ABCB5: variants seen among roughly 807,000 people sequenced by gnomAD.
The protein encoded by ABCB5 is ATP binding cassette subfamily B member 5.
Under a neutral mutation model 144.2 loss-of-function variants are expected in ABCB5, and 155 were observed. The observed-to-expected ratio is 1.08, with a 90% CI of 0.94 to 1.23. The LOEUF is 1.23. Among genes scored for constraint, ABCB5 ranks in the 50% most tolerant of loss-of-function variants. ABCB5 has a pLI of 0.00. For missense variants in ABCB5, 1,830 were observed against 1,520.8 expected (o/e 1.20, Z -3.38); for synonymous variants, 610 against 528.6 (o/e 1.15, Z -2.11).
chr7:20,623,243 A>C, intron 1 of ABCB5, 22 bp from the exon 2 acceptor site: 1 of 1,349,796 alleles, frequency 7.4e-7, no homozygotes, highest in Non-Finnish European at 1.0e-6. Context: ...GCCATAATAC[A>C]TTTGTTAAAA....
At chr7:20,728,570 A>G (rs763865663) in intron 23 of ABCB5, 115 bp downstream of exon 23, 7 of 1,206,358 alleles carry the variant, frequency 5.8e-6, no homozygotes, top group Middle Eastern at 2.6e-4. Context: ...CCTGACCAAC[A>G]TAATAAAACC....
intron 18 of ABCB5, 27 bp from the exon 19 acceptor site, chr7:20,700,031 G>T (rs758821553): frequency 6.2e-7 from 1 of 1,609,252 alleles, no homozygotes; most frequent in South Asian, 1.1e-5. Flanking sequence ...GGAAAAGAAC[G>T]TAGATTTTTG....
intron 16 of ABCB5, among the ~76,000 whole-genome samples, chr7:20,697,076 A>G (rs1228959022): frequency 6.6e-6 from 1 of 152,074 alleles, no homozygotes; most frequent in Non-Finnish European, 1.5e-5. Context: ...CAACTTTTTA[A>G]ATTTTTGTAC....
intron 20 of ABCB5, among the ~76,000 whole-genome samples, chr7:20,707,372 T>C (rs1003969732): frequency 2.6e-5 from 4 of 152,240 alleles, no homozygotes; most frequent in African/African-American, 9.6e-5. Flanking sequence ...GATAGTTGTC[T>C]GAATACAACC....
chr7:20,617,743 A>T (rs1368953445), intron 1 of ABCB5, among the ~76,000 whole-genome samples: 2 of 152,220 alleles, frequency 1.3e-5, no homozygotes, highest in Non-Finnish European at 2.9e-5. Flanking sequence ...ATCTAAAGGC[A>T]AATAGGTTAA....
rs1347085949 is a variant in ABCB5 at position 20,647,597 on chromosome 7, C to T, written c.1044C>T (p.Thr348=). Residue 348 remains threonine, a synonymous_variant, in exon 10 of 28, where the codon ACC becomes ACT. Coordinates refer to ENST00000404938, the MANE Select transcript of ABCB5 (RefSeq NM_001163941.2). ...GAGCAGCAGTCCCTCACTTTGAAAC[C>T]TTCGCAATAGCCCGAGGAGCTGCCT... is the stretch of plus-strand genomic sequence containing the variant. ...CIGAAVPHFE[T]FAIARGAAFH... 2.5e-6 allele frequency: 4 copies of T among 1,589,498 alleles called. No homozygotes were observed. The highest frequency in any genetic ancestry group is 3.4e-6 in the Non-Finnish European group (4 of 1,166,540).
In ABCB5 at chr7:20,699,914, C is replaced by T; in HGVS notation, c.2244C>T (p.Val748=). 1.2e-6 allele frequency: 2 copies of T among 1,611,944 alleles called. No homozygotes were observed. Among genetic ancestry groups the T allele is most frequent in the Non-Finnish European group, 1.7e-6 (2 of 1,178,786 alleles). The part of the protein sequence containing the change: ...IFVILGVICF[V]SYFMQGLFYG... The stretch of plus-strand genomic sequence containing the variant: ...TCATTTTGGGTGTTATTTGCTTTGT[C>T]AGTTATTTCATGCAGGTAAGCTTTT... The change falls in exon 18 of 28, where the codon GTC becomes GTT. Residue 748 remains valine (V), a synonymous_variant. Coordinates refer to ENST00000404938, the MANE Select transcript of ABCB5 (RefSeq NM_001163941.2).
chr7:20,622,830 A>G lies in ABCB5; in HGVS notation c.-21-435A>G, dbSNP rs1783827599. ...ACTTTGTTTGTTTCGTAAACTAGAA[A>G]ACCCTATTCCCTCAAACTGCTGGCT... On this transcript the variant is annotated intron_variant, in intron 1 of 27. Coordinates refer to ENST00000404938, the MANE Select transcript of ABCB5 (RefSeq NM_001163941.2). Among the ~76,000 whole-genome samples the G allele has an allele frequency of 4.6e-5, 7 of 152,236 alleles. No individual in the cohort carries two copies. The South Asian group carries it at 1.5e-3, about 32-fold the overall frequency.
At chr7:20,669,043 C>T (rs1785354171) in intron 14 of ABCB5, among the ~76,000 whole-genome samples, 1 of 139,556 alleles carries the variant, frequency 7.2e-6, no homozygotes, top group Non-Finnish European at 1.5e-5. Flanking sequence ...GCCCGGCCGC[C>T]CCTACTGGGA....
At chr7:20,618,777 T>TC (rs1161552000) in intron 1 of ABCB5, among the ~76,000 whole-genome samples, 1 of 131,726 alleles carries the variant, frequency 7.6e-6, no homozygotes, top group Non-Finnish European at 1.6e-5. Context: ...TTTTTTTTTT[T>TC]TTTTTTTTTT....
intron 23 of ABCB5, among the ~76,000 whole-genome samples, chr7:20,732,203 T>C (rs761868008): frequency 9.9e-5 from 15 of 152,166 alleles, no homozygotes; most frequent in Non-Finnish European, 1.8e-4. Context: ...CTGCCTGGAA[T>C]GGTCATTCCC....
intron 19 of ABCB5, among the ~76,000 whole-genome samples, chr7:20,701,178 A>G (rs901825110): frequency 6.6e-6 from 1 of 152,244 alleles, no homozygotes; most frequent in Admixed American, 6.5e-5. Context: ...TTGTAGGATC[A>G]TAAATCAATT....
Position 20,685,760 on chromosome 7 carries a change from C to G in ABCB5, c.1934C>G (p.Ser645Ter), listed in dbSNP as rs1212266762. 6.2e-7 allele frequency: 1 copy of G among 1,613,526 alleles called. No homozygotes were observed. The highest frequency in any genetic ancestry group is 8.5e-7 in the Non-Finnish European group (1 of 1,179,598). Residue 645 changes from serine (S) to a stop codon, truncating the protein, a stop_gained, in exon 16 of 28, where the codon TCA becomes TGA. Transcript: ENST00000404938. LOFTEE classifies it high-confidence loss of function. ...TATTCTACTGAAAGAAAGACCAACT[C>G]ACTTCCTCTGCACTCTGTGAAGAGC... ...MTYSTERKTN[S>*]LPLHSVKSIK...
At chr7:20,629,631 A>C (rs1251876332) in intron 4 of ABCB5, among the ~76,000 whole-genome samples, 1 of 152,070 alleles carries the variant, frequency 6.6e-6, no homozygotes, top group Non-Finnish European at 1.5e-5. Context: ...CCATGGTAGC[A>C]GGTGCCTGTA....
chr7:20,656,912 CTTTTTTTT>C (rs749816471), intron 13 of ABCB5, among the ~76,000 whole-genome samples: 838 of 58,596 alleles, frequency 0.014, 7 homozygotes, highest in African/African-American at 0.073. Flanking sequence ...TTTCCTTTTT[CTTTTTTTT>C]TTTTTTTTTT....
intron 16 of ABCB5, among the ~76,000 whole-genome samples, chr7:20,696,708 G>A (rs1388361844): frequency 1.3e-5 from 2 of 151,874 alleles, no homozygotes; most frequent in Admixed American, 6.6e-5. Flanking sequence ...TTATGTTTTT[G>A]TATGAGATTA....
chr7:20,727,208 C>T, intron 22 of ABCB5, 68 bp downstream of exon 22: 3 of 1,126,790 alleles, frequency 2.7e-6, no homozygotes, highest in South Asian at 2.9e-5. Context: ...TCTCAAATGA[C>T]TCCAGTGGTT....
chr7:20,742,990 A>T lies in ABCB5; in HGVS notation c.3138A>T (p.Val1046=), dbSNP rs934475489. 4 of 1,614,206 alleles carry T rather than the reference A, an allele frequency of 2.5e-6. No individual in the cohort carries two copies. Among genetic ancestry groups the T allele is most frequent in the Non-Finnish European group, 3.4e-6 (4 of 1,180,036 alleles). ...LSLSIERGKT[V]AFVGSSGCGK... ...TCAGTATTGAGCGAGGAAAGACAGT[A>T]GCATTTGTGGGGAGCAGCGGCTGTG... Residue 1046 remains valine (V), a synonymous_variant, in exon 25 of 28, where the codon GTA becomes GTT. Transcript: ENST00000404938.
chr7:20,643,386 G>A lies in ABCB5; in HGVS notation c.506+11G>A. 1 of 1,613,606 alleles carries A rather than the reference G, an allele frequency of 6.2e-7. No individual in the cohort carries two copies. Among genetic ancestry groups the A allele is most frequent in the Non-Finnish European group, 8.5e-7 (1 of 1,179,506 alleles). ...CACTCGCATGACAGAGTAAGAGGAT[G>A]ATATTGTAGTACGTTAGCTTTGTTT... On this transcript the variant is annotated intron_variant, in intron 6 of 27. Coordinates refer to ENST00000404938, the MANE Select transcript of ABCB5 (RefSeq NM_001163941.2).
Sources: allele counts gnomAD v4.1 joint callset (sites outside exome capture counted in the v4.1 genomes callset), GRCh38; gene constraint gnomAD v4.1.1; transcripts MANE v1.5; gene names NCBI Gene and HGNC (gene_info 2026-07-23, HGNC 2026-07-21).